Variants in UNKL observed in about 807,000 individuals in gnomAD.
UNKL encodes unk like zinc finger.
In UNKL, 60 loss-of-function variants were observed where a neutral mutation model predicts 78.0. The observed-to-expected ratio is 0.77, with a 90% confidence interval of 0.63 to 0.95. The LOEUF (loss-of-function observed/expected upper bound fraction) is 0.95, where lower values mean the gene tolerates loss of function less well. Ranked by LOEUF, UNKL falls within the 40% of genes least tolerant of loss-of-function variation. The pLI, the probability that UNKL is intolerant of heterozygous loss-of-function variation, is 0.00. For synonymous variants in UNKL, 608 were observed against 474.8 expected (o/e 1.28, Z -3.65); for missense variants, 1,159 against 1,045.7 (o/e 1.11, Z -1.49).
chr16:1,393,921 G>A (rs946375784), intron 7 of UNKL, among the ~76,000 whole-genome samples: 3 of 152,132 alleles, frequency 2.0e-5, no homozygotes, highest in Admixed American at 6.5e-5. Flanking sequence ...GGCCCACGCC[G>A]GCGTGGAGGG....
At chr16:1,386,153 A>G (rs1157198662) in intron 9 of UNKL, among the ~76,000 whole-genome samples, 1 of 152,252 alleles carries the variant, frequency 6.6e-6, no homozygotes, top group Non-Finnish European at 1.5e-5. Context: ...TCATGCCTGT[A>G]ATCCCAGCAC....
chr16:1,399,655 C>T lies in UNKL; in HGVS notation c.599-146G>A, dbSNP rs1050942793. 2.9e-5 allele frequency: 35 copies of T among 1,224,620 alleles called. No homozygotes were observed. In the African/African-American group the frequency reaches 2.9e-4, roughly 10 times the overall value. 75.9% of individuals were successfully genotyped at this position (1,224,620 alleles called of 1,614,324 possible). On this transcript the variant is annotated intron_variant, in intron 4 of 14. Coordinates refer to ENST00000389221, the MANE Select transcript of UNKL (RefSeq NM_001372107.1). This position sits in a 1 kb window ranked among gnomAD's most constrained non-coding sequence, Gnocchi z 5.8. Reference sequence around the variant, plus strand: ...GAGCGCAGACACACGCCACGGCACACGCTGATGTCAAAGGACTCGCGCTCC... The same window carrying T: ...GAGCGCAGACACACGCCACGGCACATGCTGATGTCAAAGGACTCGCGCTCC...
rs564742149 is a variant in UNKL at position 1,366,164 on chromosome 16, G to A, written c.*76C>T. 3.3e-5 allele frequency: 46 copies of A among 1,398,788 alleles called. No homozygotes were observed. The East Asian group carries it at 6.7e-4, about 20-fold the overall frequency. The allele number at this position is 1,398,788 out of a possible 1,614,324, so 86.6% of individuals were successfully genotyped here. A position where few individuals can be genotyped will look rare whatever the true frequency, so the allele number is the denominator to read the frequency against. On this transcript the variant is annotated 3_prime_UTR_variant, in exon 15 of 15. Transcript: ENST00000389221. ...TCCTCACGTCGGTGGCACCAGAAGC[G>A]AGTGACGACATGTCCGTGGTCAGGA...
chr16:1,390,302 C>A (rs915534168), intron 9 of UNKL, among the ~76,000 whole-genome samples: 2 of 152,302 alleles, frequency 1.3e-5, no homozygotes, highest in African/African-American at 4.8e-5. Flanking sequence ...GCTGTTGGAA[C>A]GGCCCCATCT....
intron 5 of UNKL, among the ~76,000 whole-genome samples, chr16:1,397,960 G>A (rs1037382516): frequency 2.6e-5 from 4 of 152,240 alleles, no homozygotes; most frequent in Non-Finnish European, 4.4e-5. Context: ...GGACACGCAG[G>A]CCCGGCCAGT....
chr16:1,383,103 CAAA>C (rs1209322926), intron 10 of UNKL, among the ~76,000 whole-genome samples: 1 of 73,162 alleles, frequency 1.4e-5, no homozygotes, highest in African/African-American at 4.5e-5. Context: ...ACTAAAAATA[CAAA>C]AAAAAAAAAA....
At chr16:1,383,941 G>C (rs948767555) in intron 10 of UNKL, 1 of 313,296 alleles carries the variant, frequency 3.2e-6, no homozygotes, top group Non-Finnish European at 7.1e-6. Context: ...GGCTGCAGCA[G>C]CAGAGGCCAG....
intron 14 of UNKL, among the ~76,000 whole-genome samples, 188 bp downstream of exon 14, chr16:1,366,904 C>CAGGGGGAAAGGCGGCTCCA (rs1424908086): frequency 6.6e-6 from 1 of 152,140 alleles, no homozygotes; most frequent in Non-Finnish European, 1.5e-5. Context: ...AGGCGGCTCC[C>CAGGGGGAAAGGCGGCTCCA]AGGGAGACAG....
In UNKL at chr16:1,386,692, T is replaced by C. The variant is rs571450296; in HGVS notation, c.1087-1307A>G. 1.1e-4 allele frequency among the ~76,000 whole-genome samples: 17 copies of C among 152,256 alleles called. No homozygotes were observed. In the South Asian group the frequency reaches 3.1e-3, roughly 28 times the overall value. The stretch of plus-strand genomic sequence containing the variant: ...TCTCCTTAAGTAAAACTGTCCATAA[T>C]GAAGAAATTTTAATGTGCATTTCCT... On this transcript the variant is annotated intron_variant, in intron 9 of 14. Coordinates refer to ENST00000389221, the MANE Select transcript of UNKL (RefSeq NM_001372107.1).
intron 11 of UNKL, among the ~76,000 whole-genome samples, chr16:1,370,776 T>C (rs1371287713): frequency 6.6e-6 from 1 of 152,156 alleles, no homozygotes; most frequent in African/African-American, 2.4e-5. Flanking sequence ...AGATGTTGTA[T>C]ACGATGTTAA....
intron 10 of UNKL, among the ~76,000 whole-genome samples, chr16:1,383,103 C>CAAAAA (rs1209322926): frequency 1.9e-4 from 14 of 73,146 alleles, no homozygotes; most frequent in African/African-American, 5.9e-4. Flanking sequence ...ACTAAAAATA[C>CAAAAA]AAAAAAAAAA....
At chr16:1,413,543 G>C (rs1353214152) in intron 2 of UNKL, among the ~76,000 whole-genome samples, 1 of 152,216 alleles carries the variant, frequency 6.6e-6, no homozygotes, top group African/African-American at 2.4e-5. Flanking sequence ...ACTCCAGCCA[G>C]AGCAACAAGA....
intron 10 of UNKL, among the ~76,000 whole-genome samples, chr16:1,384,719 C>A (rs189928148): frequency 6.6e-6 from 1 of 152,324 alleles, no homozygotes; most frequent in African/African-American, 2.4e-5. Flanking sequence ...CCACCTCAGC[C>A]TCCCAAGTAG....
At chr16:1,391,132 AGAGT>A (rs1270099826) in intron 8 of UNKL, among the ~76,000 whole-genome samples, 2 of 150,998 alleles carry the variant, frequency 1.3e-5, no homozygotes, top group African/African-American at 2.4e-5. Context: ...GCTGGGTGAT[AGAGT>A]GAGACTCTGT....
chr16:1,366,749 G>A (rs1199874723), intron 14 of UNKL, among the ~76,000 whole-genome samples: 1 of 152,204 alleles, frequency 6.6e-6, no homozygotes, highest in African/African-American at 2.4e-5. Flanking sequence ...CCCTTAGCAG[G>A]CGAGGTGAGG....
At chr16:1,412,317 G>C (rs1032220337) in intron 2 of UNKL, 1 of 152,220 alleles carries the variant, frequency 6.6e-6, no homozygotes, top group Admixed American at 6.5e-5. Context: ...AACTTTAAAA[G>C]TGCTACATAG....
At chr16:1,393,066 T>C in intron 7 of UNKL, 90 bp from the exon 8 acceptor site, 1 of 1,334,832 alleles carries the variant, frequency 7.5e-7, no homozygotes. Context: ...CAGGGCCGAG[T>C]GTGCGCAGCC....
At chr16:1,404,835 G>A (rs913312211) in intron 2 of UNKL, among the ~76,000 whole-genome samples, 1 of 152,184 alleles carries the variant, frequency 6.6e-6, no homozygotes, top group Non-Finnish European at 1.5e-5. Flanking sequence ...CAGGGTAAAC[G>A]TGGGCTTCTA....
chr16:1,405,588 AG>A (rs2037719875), intron 2 of UNKL, among the ~76,000 whole-genome samples: 2 of 151,882 alleles, frequency 1.3e-5, no homozygotes, highest in African/African-American at 4.8e-5. Context: ...AAAAAAAAAA[AG>A]AAACTGGAAA....
Sources: allele counts gnomAD v4.1 joint callset (sites outside exome capture counted in the v4.1 genomes callset), GRCh38; gene constraint gnomAD v4.1.1; non-coding constraint Gnocchi (gnomAD v3.1); transcripts MANE v1.5; gene names NCBI Gene and HGNC (gene_info 2026-07-23, HGNC 2026-07-21).